The following HHAT variants were observed in gnomAD, a reference collection of about 807,000 sequenced individuals.
HHAT encodes the protein protein-cysteine N-palmitoyltransferase HHAT.
In HHAT, 47 loss-of-function variants were observed where a neutral mutation model predicts 70.8. The ratio of observed to expected loss-of-function variants is 0.66; its 90% CI spans 0.53 to 0.85. The LOEUF (loss-of-function observed/expected upper bound fraction) is 0.85. Ranked by LOEUF, HHAT falls within the 40% of genes least tolerant of loss-of-function variation. HHAT has a pLI of 0.00. For missense variants in HHAT, 609 were observed against 604.8 expected (o/e 1.01, Z -0.07); for synonymous variants, 228 against 247.6 (o/e 0.92, Z 0.74).
At chr1:210,530,733 G>C (rs1427014232) in intron 9 of HHAT, among the ~76,000 whole-genome samples, 1 of 152,114 alleles carries the variant, frequency 6.6e-6, no homozygotes, top group Non-Finnish European at 1.5e-5. Flanking sequence ...AACTGGGTGG[G>C]CCCTATGTGC....
chr1:210,399,221 T>C (rs990348495), intron 4 of HHAT, among the ~76,000 whole-genome samples: 1 of 152,208 alleles, frequency 6.6e-6, no homozygotes, highest in Non-Finnish European at 1.5e-5. Context: ...GTCCTTCCTG[T>C]GTATCCACCC....
At chr1:210,654,226 A>G (rs1675903495) in intron 11 of HHAT, among the ~76,000 whole-genome samples, 1 of 756 alleles carries the variant, frequency 1.3e-3, no homozygotes, top group African/African-American at 6.5e-3. Context: ...GTGGAATAAT[A>G]GTGAGCCATG....
chr1:210,491,079 G>C (rs145005070), intron 8 of HHAT, among the ~76,000 whole-genome samples: 29 of 151,542 alleles, frequency 1.9e-4, no homozygotes, highest in Middle Eastern at 3.4e-3. Flanking sequence ...GTGTGTGTGT[G>C]TGTGTGTCTG....
chr1:210,607,678 G>T (rs1665766082), intron 10 of HHAT, among the ~76,000 whole-genome samples: 1 of 152,114 alleles, frequency 6.6e-6, no homozygotes, highest in African/African-American at 2.4e-5. Flanking sequence ...ATGCTCAAGG[G>T]AGATGGCCAG....
At chr1:210,366,422 G>C (rs944679827) in intron 3 of HHAT, among the ~76,000 whole-genome samples, 7 of 152,136 alleles carry the variant, frequency 4.6e-5, no homozygotes, top group Admixed American at 3.9e-4. Context: ...TTGAGGTCAG[G>C]AGTAGCCTGG....
intron 7 of HHAT, among the ~76,000 whole-genome samples, chr1:210,431,586 T>C (rs1245721707): frequency 1.3e-5 from 2 of 151,868 alleles, no homozygotes; most frequent in African/African-American, 4.9e-5. Context: ...ATACCTGTTT[T>C]TAAGAAGGAA....
chr1:210,350,975 A>G (rs752222627), intron 2 of HHAT, among the ~76,000 whole-genome samples: 1 of 152,198 alleles, frequency 6.6e-6, no homozygotes, highest in African/African-American at 2.4e-5. Flanking sequence ...TGTATTAGTT[A>G]GGGTTCTCCA....
intron 9 of HHAT, among the ~76,000 whole-genome samples, chr1:210,582,248 G>T (rs1441420278): frequency 6.6e-6 from 1 of 152,154 alleles, no homozygotes; most frequent in Non-Finnish European, 1.5e-5. Flanking sequence ...TTTAGGATTT[G>T]TCACCAAAGC....
intron 7 of HHAT, among the ~76,000 whole-genome samples, chr1:210,420,851 A>T (rs2092881007): frequency 1.3e-5 from 2 of 152,196 alleles, no homozygotes; most frequent in African/African-American, 4.8e-5. Context: ...GGAATATTTT[A>T]AAATATTTGA....
intron 8 of HHAT, among the ~76,000 whole-genome samples, chr1:210,477,703 C>G (rs188978694): frequency 6.6e-6 from 1 of 152,148 alleles, no homozygotes; most frequent in Non-Finnish European, 1.5e-5. Context: ...AAATATACAT[C>G]GTGGGTATCC....
At chr1:210,640,591 C>T (rs1369909778) in intron 11 of HHAT, among the ~76,000 whole-genome samples, 1 of 151,996 alleles carries the variant, frequency 6.6e-6, no homozygotes, top group Non-Finnish European at 1.5e-5. Context: ...AATTCCTCAC[C>T]ATCAAAATGT....
At chr1:210,566,558 C>G in intron 9 of HHAT, among the ~76,000 whole-genome samples, 1 of 152,086 alleles carries the variant, frequency 6.6e-6, no homozygotes, top group South Asian at 2.1e-4. Flanking sequence ...GGAGATGAGA[C>G]AAAGAGATGA....
intron 10 of HHAT, among the ~76,000 whole-genome samples, chr1:210,614,413 A>G (rs1196522041): frequency 6.6e-6 from 1 of 152,036 alleles, no homozygotes; most frequent in East Asian, 1.9e-4. Flanking sequence ...AAAATTTTTT[A>G]AATATATATT....
At chr1:210,387,618 T>G in intron 4 of HHAT, 37 bp downstream of exon 4, 1 of 1,506,054 alleles carries the variant, frequency 6.6e-7, no homozygotes, top group Non-Finnish European at 9.2e-7. Context: ...TAAGTGTGTT[T>G]TTCCTTTGCT....
chr1:210,554,266 A>G (rs1009061606), intron 9 of HHAT, among the ~76,000 whole-genome samples: 1 of 152,134 alleles, frequency 6.6e-6, no homozygotes, highest in Non-Finnish European at 1.5e-5. Context: ...TAGGGGTTCA[A>G]AAATATTTGT....
intron 9 of HHAT, among the ~76,000 whole-genome samples, chr1:210,535,454 T>TGTGG (rs1553260290): frequency 1.3e-5 from 2 of 150,358 alleles, no homozygotes; most frequent in Admixed American, 6.6e-5. Flanking sequence ...TGTGTGTGTG[T>TGTGG]GGGGTAAAAT....
intron 2 of HHAT, among the ~76,000 whole-genome samples, chr1:210,356,412 G>A (rs2148000898): frequency 6.6e-6 from 1 of 151,732 alleles, no homozygotes; most frequent in African/African-American, 2.4e-5. Context: ...AATATTCAGT[G>A]ATATATCTGT....
intron 2 of HHAT, among the ~76,000 whole-genome samples, chr1:210,350,428 A>G (rs1479236521): frequency 1.3e-5 from 2 of 152,116 alleles, no homozygotes; most frequent in Admixed American, 6.5e-5. Context: ...TTCTCCATTT[A>G]TTTAGTTCTT....
At position 210,645,424 on chromosome 1, in the gene HHAT, C is replaced by T. The variant is rs535533219; in HGVS notation, c.1390+21754C>T. 2.0e-5 allele frequency among the ~76,000 whole-genome samples: 3 copies of T among 152,230 alleles called. No homozygotes were observed. The South Asian group carries it at 6.2e-4, about 32-fold the overall frequency. Reference sequence around the variant, plus strand: ...TCCTGAGTAGCTGGGACTACAGGCGCCTACCACCACACCTTGCTAATTTTT... The same window carrying T: ...TCCTGAGTAGCTGGGACTACAGGCGTCTACCACCACACCTTGCTAATTTTT... On this transcript the variant is annotated intron_variant, in intron 11 of 11. Transcript: ENST00000261458.
Sources: gnomAD v4.1 joint callset for allele counts (sites outside exome capture counted in the v4.1 genomes callset) on GRCh38, gnomAD v4.1.1 for gene constraint, MANE v1.5 for transcripts, NCBI Gene and HGNC (gene_info 2026-07-23, HGNC 2026-07-21) for gene names.